The following DLC1 variants were observed in gnomAD, a reference collection of about 807,000 sequenced individuals.
DLC1 encodes DLC1 Rho GTPase activating protein.
A neutral mutation model predicts 140.3 loss-of-function variants in DLC1; 54 were observed. That is an observed-to-expected ratio of 0.38 (90% CI 0.31 to 0.48). The LOEUF (loss-of-function observed/expected upper bound fraction) is 0.48. Among genes scored for constraint, DLC1 ranks in the 20% least tolerant of loss-of-function variants. The probability of loss-of-function intolerance (pLI) is 0.96; values close to 1 mark genes in which losing one functional copy is unlikely to be tolerated. For missense variants in DLC1, 2,536 were observed against 1,907.0 expected (o/e 1.33, Z -6.14); for synonymous variants, 986 against 728.1 (o/e 1.35, Z -5.70).
intron 5 of DLC1, among the ~76,000 whole-genome samples, chr8:13,133,819 A>T (rs536120230): frequency 6.6e-6 from 1 of 151,900 alleles, no homozygotes; most frequent in African/African-American, 2.4e-5. Context: ...GGAAGCGGAG[A>T]GGAAGGGATG....
intron 2 of DLC1, among the ~76,000 whole-genome samples, chr8:13,421,725 C>T (rs1344022237): frequency 6.6e-6 from 1 of 152,172 alleles, no homozygotes; most frequent in Non-Finnish European, 1.5e-5. Context: ...TACTCATCCT[C>T]CAATTCCCTG....
intron 2 of DLC1, among the ~76,000 whole-genome samples, chr8:13,402,481 G>C (rs1450042000): frequency 2.0e-5 from 3 of 152,204 alleles, no homozygotes; most frequent in Non-Finnish European, 1.5e-5. Flanking sequence ...AGAAAGCACA[G>C]TTAGGTTCTT....
intron 4 of DLC1, among the ~76,000 whole-genome samples, chr8:13,313,286 A>G (rs555467287): frequency 6.6e-6 from 1 of 152,306 alleles, no homozygotes; most frequent in East Asian, 1.9e-4. Context: ...CTACCTACAC[A>G]GTCTTTTGCT....
chr8:13,086,592 G>C, intron 16 of DLC1, 129 bp from the exon 17 acceptor site: 1 of 1,029,398 alleles, frequency 9.7e-7, no homozygotes, highest in East Asian at 2.6e-5. Flanking sequence ...TGTGACCCAG[G>C]CCTAGGTAAA....
At chr8:13,535,006 T>C (rs980004613) in intron 1 of DLC1, among the ~76,000 whole-genome samples, 3 of 152,152 alleles carry the variant, frequency 2.0e-5, no homozygotes, top group African/African-American at 7.2e-5. Context: ...CGCTAATCAC[T>C]AATTCAATTT....
At chr8:13,232,983 A>G (rs1430351068) in intron 5 of DLC1, among the ~76,000 whole-genome samples, 1 of 152,240 alleles carries the variant, frequency 6.6e-6, no homozygotes, top group Non-Finnish European at 1.5e-5. Context: ...AAAAGGAATC[A>G]TTAAAAATGT....
intron 1 of DLC1, among the ~76,000 whole-genome samples, chr8:13,542,251 G>T (rs1315575195): frequency 1.3e-5 from 2 of 152,158 alleles, no homozygotes; most frequent in African/African-American, 4.8e-5. Flanking sequence ...AAAGAGCCAA[G>T]ATTTTTTTAT....
rs140196994 is a variant in DLC1, at chr8:13,403,313, G to A, written c.1024-1694C>T. Among the ~76,000 whole-genome samples, 324 of 152,260 alleles carry A rather than the reference G, an allele frequency of 2.1e-3. 1 individual carries two copies. The highest frequency in any genetic ancestry group is 7.0e-3 in the African/African-American group (291 of 41,554). On this transcript the variant is annotated intron_variant, in intron 2 of 17. Coordinates refer to ENST00000276297, the MANE Select transcript of DLC1 (RefSeq NM_182643.3). ...TTTTCCATGTATCTTATCCCTCACT[G>A]CTACAGAGCTTTGTTACATTCAAAG...
At position 13,393,679 on chromosome 8, in the gene DLC1, T is replaced by C; in HGVS notation, c.1188A>G (p.Gly396=). The C allele has an allele frequency of 6.2e-7, 1 of 1,613,796 alleles. No homozygotes were observed. The highest frequency in any genetic ancestry group is 8.5e-7 in the Non-Finnish European group (1 of 1,179,898). The part of the protein sequence containing the change: ...LRRHVPDLES[G]SESGADTISV... Reference sequence around the variant, plus strand: ...AAATGGTATCTGCTCCACTTTCAGATCCTGATTCCAGATCCTATTAAAAAA... The same window carrying C: ...AAATGGTATCTGCTCCACTTTCAGACCCTGATTCCAGATCCTATTAAAAAA... The change falls in exon 4 of 18, where the codon GGA becomes GGG. Residue 396 remains glycine, a synonymous_variant. Coordinates refer to ENST00000276297, the MANE Select transcript of DLC1 (RefSeq NM_182643.3).
At chr8:13,205,871 A>T (rs547073141) in intron 5 of DLC1, among the ~76,000 whole-genome samples, 2 of 152,348 alleles carry the variant, frequency 1.3e-5, no homozygotes, top group East Asian at 3.9e-4. Context: ...GAGACCATTG[A>T]CATTTCTCTG....
intron 2 of DLC1, among the ~76,000 whole-genome samples, chr8:13,413,557 G>T (rs1432646634): frequency 1.3e-5 from 2 of 151,748 alleles, no homozygotes; most frequent in Non-Finnish European, 2.9e-5. Flanking sequence ...ATCTGATATG[G>T]TTTGGCTTTG....
intron 5 of DLC1, among the ~76,000 whole-genome samples, chr8:13,208,456 C>T (rs1171368365): frequency 1.3e-5 from 2 of 152,084 alleles, no homozygotes; most frequent in South Asian, 4.1e-4. Context: ...ACTTTGTTTA[C>T]CAGTAGAAAC....
intron 1 of DLC1, among the ~76,000 whole-genome samples, chr8:13,556,587 C>G (rs550426770): frequency 6.6e-6 from 1 of 152,202 alleles, no homozygotes; most frequent in South Asian, 2.1e-4. Flanking sequence ...GGGCAGAGGT[C>G]ATAAGCATGG....
rs1175681541 is a variant in DLC1, at chr8:13,301,351, T to G, written c.1348+3918A>C. Among the ~76,000 whole-genome samples, 4 of 152,198 alleles carry G rather than the reference T, an allele frequency of 2.6e-5. No individual in the cohort carries two copies. The South Asian group carries it at 8.3e-4, about 31-fold the overall frequency. ...ATCTTTCTTCTTCCACATGGACAGC[T>G]GTTCAGCTGTTAGTACCACGAGGAA... On this transcript the variant is annotated intron_variant, in intron 5 of 17. Coordinates refer to ENST00000276297, the MANE Select transcript of DLC1 (RefSeq NM_182643.3).
chr8:13,093,333 T>C (rs570017966), intron 12 of DLC1, among the ~76,000 whole-genome samples: 1 of 152,228 alleles, frequency 6.6e-6, no homozygotes, highest in South Asian at 2.1e-4. Context: ...TTGTTCCTTC[T>C]TGAAGTGGGA....
intron 4 of DLC1, among the ~76,000 whole-genome samples, chr8:13,332,607 G>A (rs1343067323): frequency 1.6e-5 from 1 of 63,216 alleles, no homozygotes; most frequent in African/African-American, 4.6e-5. Flanking sequence ...ATTTTTGTAT[G>A]TTTAGTAGAG....
chr8:13,373,981 C>G (rs949558028), intron 4 of DLC1, among the ~76,000 whole-genome samples: 1 of 152,088 alleles, frequency 6.6e-6, no homozygotes, highest in Non-Finnish European at 1.5e-5. Context: ...AAGATGTCAT[C>G]TAAGTTTGAT....
chr8:13,211,067 T>A (rs1299577993), intron 5 of DLC1, among the ~76,000 whole-genome samples: 1 of 152,162 alleles, frequency 6.6e-6, no homozygotes, highest in Non-Finnish European at 1.5e-5. Context: ...GCAAAGAAAC[T>A]GCCTCAAACC....
intron 2 of DLC1, among the ~76,000 whole-genome samples, chr8:13,467,509 C>A (rs377013096): frequency 6.6e-6 from 1 of 150,654 alleles, no homozygotes; most frequent in African/African-American, 2.4e-5. Context: ...CACCTGTAAT[C>A]CTAGCACTTT....
Sources: gnomAD v4.1 joint callset for allele counts (sites outside exome capture counted in the v4.1 genomes callset) on GRCh38, gnomAD v4.1.1 for gene constraint, MANE v1.5 for transcripts, NCBI Gene and HGNC (gene_info 2026-07-23, HGNC 2026-07-21) for gene names.